The following OR10T2 variants were observed in gnomAD, a reference collection of about 807,000 sequenced individuals.
OR10T2 encodes the protein olfactory receptor 10T2.
For synonymous variants in OR10T2, 162 were observed against 144.1 expected (o/e 1.12, Z -0.89); for missense variants, 416 against 372.3 (o/e 1.12, Z -0.97).
Position 158,399,161 on chromosome 1 carries a change from C to T in OR10T2, c.306G>A (p.Leu102=), listed in dbSNP as rs1457050200. Residue 102 remains leucine (L), a synonymous_variant, in exon 1 of 1, where the codon CTG becomes CTA. Transcript: ENST00000334438. ...TGCAAGCAAAGCCAAGGAAAAAGAA[C>T]AGCTGGGTGGCACAGGCCATGAAGG... ...TISFMACATQ[L]FFFLGFACTN... is the part of the protein sequence containing the mutation. 4 of 1,614,068 alleles carry T rather than the reference C, an allele frequency of 2.5e-6. No individual in the cohort carries two copies. The highest frequency in any genetic ancestry group is 2.5e-6 in the Non-Finnish European group (3 of 1,180,034).
Position 158,398,525 on chromosome 1 carries a change from G to A in OR10T2, c.942C>T (p.Ser314=), listed in dbSNP as rs60530245. ...TTAATTTTATTATTATTTTTTGTTA[G>A]CTCATCTTGGTTGCCACAGGCATTC... ...VLGMPVATKM[S] is the part of the protein sequence containing the mutation. Residue 314 remains serine (S), a synonymous_variant, in exon 1 of 1, where the codon AGC becomes AGT. Transcript: ENST00000334438. 136,837 of 1,559,184 alleles carry A rather than the reference G, an allele frequency of 0.088. 7,368 individuals are homozygous for A. The highest frequency in any genetic ancestry group is 0.22 in the South Asian group (18,283 of 85,034).
At position 158,398,602 on chromosome 1, in the gene OR10T2, C is replaced by G; in HGVS notation, c.865G>C (p.Val289Leu). ...ACCTCTTTGTTCCTCAGACTGTAGACAAGAGGATTAAGTAAGGGAGTAACC... is the reference window on the plus strand; with the variant it reads ...ACCTCTTTGTTCCTCAGACTGTAGAGAAGAGGATTAAGTAAGGGAGTAACC... ...TVVTPLLNPLVYSLRNKEVKT... is the reference protein window; with the variant it reads ...TVVTPLLNPLLYSLRNKEVKT... Residue 289 changes from valine (V) to leucine (L), a missense_variant, in exon 1 of 1, where the codon GTC becomes CTC. Coordinates refer to ENST00000334438, the MANE Select transcript of OR10T2 (RefSeq NM_001004475.1). The G allele has an allele frequency of 6.2e-7, 1 of 1,613,720 alleles. No individual in the cohort carries two copies. Among genetic ancestry groups the G allele is most frequent in the Non-Finnish European group, 8.5e-7 (1 of 1,179,754 alleles).
In OR10T2 at chr1:158,398,852, G is replaced by A. The variant is rs145580938; in HGVS notation, c.615C>T (p.Ile205=). The A allele has an allele frequency of 5.3e-4, 855 of 1,614,168 alleles. No individual in the cohort carries two copies. Among genetic ancestry groups the A allele is most frequent in the Non-Finnish European group, 6.8e-4 (798 of 1,180,012 alleles). ...VKELALFSLS[I]LVIMVPFLLI... Reference sequence around the variant, plus strand: ...ACAGAAAAGGCACCATAATTACCAGGATGCTGAGGCTAAATAAAGCCAGCT... The same window carrying A: ...ACAGAAAAGGCACCATAATTACCAGAATGCTGAGGCTAAATAAAGCCAGCT... The change falls in exon 1 of 1, where the codon ATC becomes ATT. Residue 205 remains isoleucine, a synonymous_variant. Coordinates refer to ENST00000334438, the MANE Select transcript of OR10T2 (RefSeq NM_001004475.1).
In OR10T2 at chr1:158,398,803, T is replaced by G; in HGVS notation, c.664A>C (p.Ile222Leu). 1 of 1,614,160 alleles carries G rather than the reference T, an allele frequency of 6.2e-7. No individual in the cohort carries two copies. Among genetic ancestry groups the G allele is most frequent in the Non-Finnish European group, 8.5e-7 (1 of 1,180,030 alleles). Reference protein sequence around the residue: ...FLLILISYGFIVNTILKIPSA... With the variant: ...FLLILISYGFLVNTILKIPSA... ...GGGATCTTCAGGATGGTGTTAACTA[T>G]GAAGCCATAGGATATGAGAATTAAC... is the stretch of plus-strand genomic sequence containing the variant. Residue 222 changes from isoleucine to leucine, a missense_variant, in exon 1 of 1, where the codon ATA becomes CTA. By Grantham distance (5) the Ile-to-Leu change is conservative. Transcript: ENST00000334438.
Position 158,399,277 on chromosome 1 carries a change from G to C in OR10T2, c.190C>G (p.Leu64Val), listed in dbSNP as rs1654746011. The change falls in exon 1 of 1, where the codon CTA (leucine) becomes GTA (valine). Residue 64 changes from leucine (L) to valine (V), a missense_variant. Transcript: ENST00000334438. ...WTLHTPMYGF[L>V]FILSFSESCY... Reference sequence around the variant, plus strand: ...GACTCAGAAAATGAAAGGATGAATAGAAAGCCATACATGGGAGTGTGGAGA... The same window carrying C: ...GACTCAGAAAATGAAAGGATGAATACAAAGCCATACATGGGAGTGTGGAGA... The C allele has an allele frequency of 6.2e-7, 1 of 1,614,108 alleles. No individual in the cohort carries two copies. The highest frequency in any genetic ancestry group is 8.5e-7 in the Non-Finnish European group (1 of 1,179,998).
chr1:158,399,224 C>G lies in OR10T2; in HGVS notation c.243G>C (p.Gln81His). 6.2e-7 allele frequency: 1 copy of G among 1,614,110 alleles called. No individual in the cohort carries two copies. Among genetic ancestry groups the G allele is most frequent in the South Asian group, 1.1e-5 (1 of 91,072 alleles). Residue 81 changes from glutamine (Q) to histidine (H), a missense_variant, in exon 1 of 1, where the codon CAG (glutamine) becomes CAC (histidine). Transcript: ENST00000334438. ...TGTCTGAGAGCAGGTGGACCAGCAGCTGAGGGATGATGACAAAAGTGTAGC... is the reference window on the plus strand; with the variant it reads ...TGTCTGAGAGCAGGTGGACCAGCAGGTGAGGGATGATGACAAAAGTGTAGC... ...ESCYTFVIIPQLLVHLLSDTK... is the reference protein window; with the variant it reads ...ESCYTFVIIPHLLVHLLSDTK...
Position 158,399,191 on chromosome 1 carries a change from G to A in OR10T2, c.276C>T (p.Thr92=). Residue 92 remains threonine (T), a synonymous_variant, in exon 1 of 1, where the codon ACC becomes ACT. Coordinates refer to ENST00000334438, the MANE Select transcript of OR10T2 (RefSeq NM_001004475.1). ...LLVHLLSDTK[T]ISFMACATQL... is the part of the protein sequence containing the mutation. ...GGGTGGCACAGGCCATGAAGGAGATGGTCTTGGTGTCTGAGAGCAGGTGGA... is the reference window on the plus strand; with the variant it reads ...GGGTGGCACAGGCCATGAAGGAGATAGTCTTGGTGTCTGAGAGCAGGTGGA... 3 of 1,614,124 alleles carry A rather than the reference G, an allele frequency of 1.9e-6. No homozygotes were observed. Among genetic ancestry groups the A allele is most frequent in the Non-Finnish European group, 2.5e-6 (3 of 1,180,008 alleles).
Position 158,399,294 on chromosome 1 carries a change from G to T in OR10T2, c.173C>A (p.Thr58Asn). The T allele has an allele frequency of 6.2e-7, 1 of 1,614,086 alleles. No homozygotes were observed. The highest frequency in any genetic ancestry group is 1.1e-5 in the South Asian group (1 of 91,076). The change falls in exon 1 of 1, where the codon ACT (threonine) becomes AAT (asparagine). Residue 58 changes from threonine to asparagine, a missense_variant. Physicochemically the swap from Thr to Asn is moderately conservative, Grantham distance 65. Coordinates refer to ENST00000334438, the MANE Select transcript of OR10T2 (RefSeq NM_001004475.1). ...AVIRFSWTLH[T>N]PMYGFLFILS... ...GATGAATAGAAAGCCATACATGGGA[G>T]TGTGGAGAGTCCAGCTGAAGCGAAT... is the stretch of plus-strand genomic sequence containing the variant.
Position 158,398,769 on chromosome 1 carries a change from T to C in OR10T2, c.698A>G (p.Glu233Gly). The C allele has an allele frequency of 6.2e-7, 1 of 1,614,064 alleles. No homozygotes were observed. Among genetic ancestry groups the C allele is most frequent in the Middle Eastern group, 1.6e-4 (1 of 6,062 alleles). The change falls in exon 1 of 1, where the codon GAG becomes GGG. Residue 233 changes from glutamate (E) to glycine (G), a missense_variant. By Grantham distance (98) the Glu-to-Gly change is moderately conservative. Coordinates refer to ENST00000334438, the MANE Select transcript of OR10T2 (RefSeq NM_001004475.1). ...ACAGGTGACAAAGGCCTTCTTGCCC[T>C]CAGCTGAGGGGATCTTCAGGATGGT... ...VNTILKIPSAEGKKAFVTCAS... is the reference protein window; with the variant it reads ...VNTILKIPSAGGKKAFVTCAS...
rs765152832 is a variant in OR10T2, at chr1:158,399,449, T to C, written c.18A>G (p.Lys6=). 6.2e-7 allele frequency: 1 copy of C among 1,603,624 alleles called. No individual in the cohort carries two copies. Among genetic ancestry groups the C allele is most frequent in the South Asian group, 1.1e-5 (1 of 89,772 alleles). Residue 6 remains lysine, a synonymous_variant, in exon 1 of 1, where the codon AAA becomes AAG. Transcript: ENST00000334438. The stretch of plus-strand genomic sequence containing the variant: ...GGATGAACTGTGTAACCACAGTGGT[T>C]TTGTTGAAACCTCGCATCTGAAGAA... MRGFN[K]TTVVTQFILV...
rs759993995 is a variant in OR10T2 at position 158,398,585 on chromosome 1, G to T, written c.882C>A (p.Asn294Lys). The T allele has an allele frequency of 6.2e-7, 1 of 1,613,408 alleles. No individual in the cohort carries two copies. The highest frequency in any genetic ancestry group is 1.1e-5 in the South Asian group (1 of 90,952). The change falls in exon 1 of 1, where the codon AAC becomes AAA. Residue 294 changes from asparagine to lysine, a missense_variant. Transcript: ENST00000334438. Reference sequence around the variant, plus strand: ...TTTTCAATGCAGTTTTTACCTCTTTGTTCCTCAGACTGTAGACAAGAGGAT... The same window carrying T: ...TTTTCAATGCAGTTTTTACCTCTTTTTTCCTCAGACTGTAGACAAGAGGAT... ...LLNPLVYSLR[N>K]KEVKTALKRV...
At position 158,399,100 on chromosome 1, in the gene OR10T2, G is replaced by T. The variant is rs539828963; in HGVS notation, c.367C>A (p.Arg123Ser). Residue 123 changes from arginine to serine, a missense_variant, in exon 1 of 1, where the codon CGC becomes AGC. By Grantham distance (110) the Arg-to-Ser change is moderately radical (BLOSUM62 -1). Coordinates refer to ENST00000334438, the MANE Select transcript of OR10T2 (RefSeq NM_001004475.1). ...CLLIAVMGYD[R>S]YVAICHPLRY... Reference sequence around the variant, plus strand: ...AGAGGGTGACAAATTGCTACATAGCGATCATATCCCATCACAGCAATGAGG... The same window carrying T: ...AGAGGGTGACAAATTGCTACATAGCTATCATATCCCATCACAGCAATGAGG... 1.2e-6 allele frequency: 2 copies of T among 1,614,058 alleles called. No individual in the cohort carries two copies. Among genetic ancestry groups the T allele is most frequent in the Admixed American group, 3.3e-5 (2 of 60,010 alleles).
Position 158,398,595 on chromosome 1 carries a change from C to T in OR10T2, c.872G>A (p.Ser291Asn), listed in dbSNP as rs1654720898. 1 of 1,613,790 alleles carries T rather than the reference C, an allele frequency of 6.2e-7. No individual in the cohort carries two copies. Among genetic ancestry groups the T allele is most frequent in the African/African-American group, 1.3e-5 (1 of 74,922 alleles). The change falls in exon 1 of 1, where the codon AGT becomes AAT. Residue 291 changes from serine (S) to asparagine (N), a missense_variant. Transcript: ENST00000334438. ...VTPLLNPLVY[S>N]LRNKEVKTAL... is the part of the protein sequence containing the mutation. ...AGTTTTTACCTCTTTGTTCCTCAGA[C>T]TGTAGACAAGAGGATTAAGTAAGGG...
Position 158,398,556 on chromosome 1 carries a change from A to G in OR10T2, c.911T>C (p.Val304Ala), listed in dbSNP as rs1557854653. 1 of 1,608,174 alleles carries G rather than the reference A, an allele frequency of 6.2e-7. No homozygotes were observed. The highest frequency in any genetic ancestry group is 2.2e-5 in the East Asian group (1 of 44,766). ...CTTGGTTGCCACAGGCATTCCAAGA[A>G]CTCTTTTCAATGCAGTTTTTACCTC... ...NKEVKTALKR[V>A]LGMPVATKMS Residue 304 changes from valine to alanine, a missense_variant, in exon 1 of 1, where the codon GTT (valine) becomes GCT (alanine). By Grantham distance (64) the Val-to-Ala change is moderately conservative. Transcript: ENST00000334438.
At position 158,398,674 on chromosome 1, in the gene OR10T2, T is replaced by C; in HGVS notation, c.793A>G (p.Lys265Glu). The C allele has an allele frequency of 6.2e-7, 1 of 1,614,150 alleles. No individual in the cohort carries two copies. The highest frequency in any genetic ancestry group is 2.2e-5 in the East Asian group (1 of 44,864). The part of the protein sequence containing the change: ...ASIIYLRPKS[K>E]SASDKDQLVA... ...AACTGATCCTTGTCTGAGGCAGACT[T>C]GGACTTGGGCCGCAGATAGATGATA... Residue 265 changes from lysine (K) to glutamate (E), a missense_variant, in exon 1 of 1, where the codon AAG becomes GAG. Physicochemically the swap from Lys to Glu is moderately conservative, Grantham distance 56. Transcript: ENST00000334438.
rs528859251 is a variant in OR10T2, at chr1:158,399,167, G to A, written c.300C>T (p.Thr100=). 597 of 1,614,166 alleles carry A rather than the reference G, an allele frequency of 3.7e-4. 9 individuals are homozygous for A. The South Asian group carries it at 6.2e-3, about 17-fold the overall frequency. Residue 100 remains threonine, a synonymous_variant, in exon 1 of 1, where the codon ACC becomes ACT. Coordinates refer to ENST00000334438, the MANE Select transcript of OR10T2 (RefSeq NM_001004475.1). ...CAAAGCCAAGGAAAAAGAACAGCTG[G>A]GTGGCACAGGCCATGAAGGAGATGG... is the stretch of plus-strand genomic sequence containing the variant. ...TKTISFMACA[T]QLFFFLGFAC...
At position 158,399,404 on chromosome 1, in the gene OR10T2, C is replaced by G; in HGVS notation, c.63G>C (p.Leu21=). ...TQFILVGFSS[L]GELQLLLFVI... ...CAAAAAGCAGCAGCTGGAGCTCCCC[C>G]AGGCTGGAGAAACCCACCAGGATGA... Residue 21 remains leucine (L), a synonymous_variant, in exon 1 of 1, where the codon CTG becomes CTC. Transcript: ENST00000334438. 1 of 1,614,106 alleles carries G rather than the reference C, an allele frequency of 6.2e-7. No individual in the cohort carries two copies.
Position 158,399,403 on chromosome 1 carries a change from C to G in OR10T2, c.64G>C (p.Gly22Arg), listed in dbSNP as rs1324762440. The G allele has an allele frequency of 6.2e-7, 1 of 1,614,016 alleles. No individual in the cohort carries two copies. Among genetic ancestry groups the G allele is most frequent in the East Asian group, 2.2e-5 (1 of 44,868 alleles). ...ACAAAAAGCAGCAGCTGGAGCTCCC[C>G]CAGGCTGGAGAAACCCACCAGGATG... ...QFILVGFSSL[G>R]ELQLLLFVIF... is the part of the protein sequence containing the mutation. Residue 22 changes from glycine to arginine, a missense_variant, in exon 1 of 1, where the codon GGG (glycine) becomes CGG (arginine). Physicochemically the swap from Gly to Arg is moderately radical, Grantham distance 125 (BLOSUM62 -2). Transcript: ENST00000334438.
In OR10T2 at chr1:158,399,039, A is replaced by T; in HGVS notation, c.428T>A (p.Leu143Ter). The part of the protein sequence containing the change: ...YTLIINKRLG[L>*]ELISLSGATG... ...GGCTCCTGAGAGAGAAATCAACTCC[A>T]ACCCCAGCCTTTTGTTTATGATGAG... Residue 143 changes from leucine to a stop codon, truncating the protein, a stop_gained, in exon 1 of 1, where the codon TTG becomes TAG. Transcript: ENST00000334438. LOFTEE classifies it low-confidence loss of function (END_TRUNC). The T allele has an allele frequency of 6.2e-7, 1 of 1,614,196 alleles. No individual in the cohort carries two copies. The highest frequency in any genetic ancestry group is 8.5e-7 in the Non-Finnish European group (1 of 1,180,030).
Sources: gnomAD v4.1 joint callset for allele counts on GRCh38, gnomAD v4.1.1 for gene constraint, MANE v1.5 for transcripts, NCBI Gene and HGNC (gene_info 2026-07-23, HGNC 2026-07-21) for gene names.